Variants in AKIRIN1 observed in about 807,000 individuals in gnomAD.
AKIRIN1 encodes akirin 1.
AKIRIN1 carries 4 observed loss-of-function variants against 25.9 expected under a neutral mutation model. The ratio of observed to expected loss-of-function variants is 0.15; its 90% CI spans 0.08 to 0.35. The LOEUF (loss-of-function observed/expected upper bound fraction) is 0.35, where lower values mean the gene tolerates loss of function less well. Among genes scored for constraint, AKIRIN1 ranks in the 10% least tolerant of loss-of-function variants. The pLI, the probability that AKIRIN1 is intolerant of heterozygous loss-of-function variation, is 1.00. For synonymous variants in AKIRIN1, 125 were observed against 105.1 expected, an observed-to-expected ratio of 1.19 and a Z score of -1.16; for missense variants, 243 against 266.1, an observed-to-expected ratio of 0.91 and a Z score of 0.61.
intron 1 of AKIRIN1, among the ~76,000 whole-genome samples, chr1:38,996,376 A>T (rs1380553919): frequency 1.3e-5 from 2 of 151,068 alleles, no homozygotes; most frequent in Non-Finnish European, 2.9e-5. Context: ...GTGAGCCACC[A>T]TGTACAGGCT....
Position 39,003,332 on chromosome 1 carries a change from A to G in AKIRIN1, c.497-15A>G. On this transcript the variant is annotated splice_polypyrimidine_tract_variant and intron_variant, in intron 3 of 4. Coordinates refer to ENST00000432648, the MANE Select transcript of AKIRIN1 (RefSeq NM_024595.3). ...GGAGAGTTGCTGAGGATAAGTATGT[A>G]CTGTCTTCTCACAGAACAATATGAA... 6.2e-7 allele frequency: 1 copy of G among 1,611,184 alleles called. No individual in the cohort carries two copies. Among genetic ancestry groups the G allele is most frequent in the Non-Finnish European group, 8.5e-7 (1 of 1,177,756 alleles).
Position 38,991,365 on chromosome 1 carries a change from C to T in AKIRIN1, c.-16C>T, listed in dbSNP as rs897290519. The stretch of plus-strand genomic sequence containing the variant: ...TTACCGCCGCGTCCGCTCCCGGTCC[C>T]TGGCCCCTCAGCGGCATGGCGTGCG... On this transcript the variant is annotated 5_prime_UTR_variant, in exon 1 of 5. Transcript: ENST00000432648. 7.5e-7 allele frequency: 1 copy of T among 1,339,684 alleles called. No homozygotes were observed. The highest frequency in any genetic ancestry group is 9.5e-7 in the Non-Finnish European group (1 of 1,048,004). 83.0% of individuals were successfully genotyped at this position (1,339,684 alleles called of 1,614,324 possible).
In AKIRIN1 at chr1:39,003,396, G is replaced by C; in HGVS notation, c.546G>C (p.Arg182=). ...TCACACATGATCAGATTATGCGACG[G>C]TATGGGACAAGGCCAACAAGCTGTA... ...VKFTHDQIMR[R]YGTRPTSYVS Residue 182 remains arginine, a synonymous_variant, in exon 4 of 5, where the codon CGG becomes CGC. Transcript: ENST00000432648. 1 of 1,613,644 alleles carries C rather than the reference G, an allele frequency of 6.2e-7. No individual in the cohort carries two copies. The highest frequency in any genetic ancestry group is 1.1e-5 in the South Asian group (1 of 91,030).
intron 1 of AKIRIN1, among the ~76,000 whole-genome samples, chr1:38,993,828 T>A (rs923819575): frequency 6.6e-6 from 1 of 151,924 alleles, no homozygotes; most frequent in Non-Finnish European, 1.5e-5. Flanking sequence ...CCCAGCACTT[T>A]GGGAGGCGGA....
intron 1 of AKIRIN1, among the ~76,000 whole-genome samples, chr1:38,994,758 C>T (rs1430036379): frequency 2.2e-5 from 3 of 137,904 alleles, no homozygotes; most frequent in East Asian, 4.6e-4. Flanking sequence ...AGCATGATCT[C>T]GGCTCACTGC....
chr1:38,992,951 T>C (rs1315230691), intron 1 of AKIRIN1, among the ~76,000 whole-genome samples: 2 of 152,208 alleles, frequency 1.3e-5, no homozygotes, highest in Non-Finnish European at 2.9e-5. Context: ...CAGGATGAGA[T>C]AATGTTTGCA....
Position 39,005,819 on chromosome 1 carries a change from C to G in AKIRIN1, c.*1764C>G, listed in dbSNP as rs1195863946. On this transcript the variant is annotated 3_prime_UTR_variant, in exon 5 of 5. Coordinates refer to ENST00000432648, the MANE Select transcript of AKIRIN1 (RefSeq NM_024595.3). ...TCTAACCAAAAACTGCAACATTATTCTTTGTACATTTTCATTATATAGTGT... is the reference window on the plus strand; with the variant it reads ...TCTAACCAAAAACTGCAACATTATTGTTTGTACATTTTCATTATATAGTGT... The G allele has an allele frequency of 6.6e-6, 1 of 152,106 alleles. No homozygotes were observed. The highest frequency in any genetic ancestry group is 1.5e-5 in the Non-Finnish European group (1 of 68,018). The allele number at this position is 152,106 out of a possible 1,614,324, so 9.4% of individuals were successfully genotyped here.
In AKIRIN1 at chr1:38,991,390, G is replaced by C; in HGVS notation, c.10G>C (p.Gly4Arg). The change falls in exon 1 of 5, where the codon GGG (glycine) becomes CGG (arginine). Residue 4 changes from glycine to arginine, a missense_variant. Physicochemically the swap from Gly to Arg is moderately radical, Grantham distance 125 (BLOSUM62 -2). Around this residue, in one of 3 missense-constraint regions of AKIRIN1, gnomAD observed 28 missense variants for 46.4 expected, o/e 0.60. Transcript: ENST00000432648. The stretch of plus-strand genomic sequence containing the variant: ...CTGGCCCCTCAGCGGCATGGCGTGC[G>C]GGGCGACGCTGAAGCGGCCCATGGA... MAC[G>R]ATLKRPMEFE... 1 of 1,337,688 alleles carries C rather than the reference G, an allele frequency of 7.5e-7. No homozygotes were observed. The highest frequency in any genetic ancestry group is 1.8e-5 in the South Asian group (1 of 54,086). 82.9% of individuals were successfully genotyped at this position (1,337,688 alleles called of 1,614,324 possible).
At chr1:38,996,313 G>T (rs921636670) in intron 1 of AKIRIN1, among the ~76,000 whole-genome samples, 2 of 151,858 alleles carry the variant, frequency 1.3e-5, no homozygotes, top group Non-Finnish European at 2.9e-5. Context: ...GGCTGGTCTC[G>T]AACCTCAGGT....
Position 39,000,468 on chromosome 1 carries a change from C to T in AKIRIN1, c.362-504C>T, listed in dbSNP as rs561255995. On this transcript the variant is annotated intron_variant, in intron 2 of 4. Transcript: ENST00000432648. ...GTTCAAGCGATTCTCCTTTCTCAGC[C>T]TCCCAAGTAGCTGGAATTACAGGTG... Among the ~76,000 whole-genome samples, 7 of 151,314 alleles carry T rather than the reference C, an allele frequency of 4.6e-5. No individual in the cohort carries two copies. The East Asian group carries it at 1.4e-3, about 29-fold the overall frequency.
chr1:38,995,804 G>A (rs1236508861), intron 1 of AKIRIN1, among the ~76,000 whole-genome samples: 1 of 152,184 alleles, frequency 6.6e-6, no homozygotes, highest in African/African-American at 2.4e-5. Flanking sequence ...AGGCCGAGGC[G>A]GGCGGATCAG....
chr1:38,998,048 C>A lies in AKIRIN1; in HGVS notation c.221-123C>A, dbSNP rs569203353. On this transcript the variant is annotated intron_variant, in intron 1 of 4. Coordinates refer to ENST00000432648, the MANE Select transcript of AKIRIN1 (RefSeq NM_024595.3). ...ATGTCGGGGGAGGGGGAGATTGAGA[C>A]CTACATGCCAAAGGGAGTATCTAAA... 6.9e-4 allele frequency: 738 copies of A among 1,073,824 alleles called. 5 individuals carry two copies. The South Asian group carries it at 8.3e-3, about 12-fold the overall frequency. The allele number at this position is 1,073,824 out of a possible 1,614,324, so 66.5% of individuals were successfully genotyped here.
At chr1:38,996,513 T>G (rs181358477) in intron 1 of AKIRIN1, among the ~76,000 whole-genome samples, 36 of 149,658 alleles carry the variant, frequency 2.4e-4, no homozygotes, top group African/African-American at 8.6e-4. Context: ...CATAGCACTC[T>G]TGTTTTTTTG....
intron 3 of AKIRIN1, 65 bp from the exon 4 acceptor site, chr1:39,003,282 T>C: frequency 6.7e-7 from 1 of 1,491,314 alleles, no homozygotes; most frequent in Non-Finnish European, 9.3e-7. Flanking sequence ...TTTGTGATCC[T>C]GACGCTTGAT....
At chr1:38,998,430 T>C in intron 2 of AKIRIN1, 119 bp downstream of exon 2, 2 of 1,142,548 alleles carry the variant, frequency 1.8e-6, no homozygotes, top group South Asian at 2.0e-5. Flanking sequence ...TGTATTAATA[T>C]TTACAGATAT....
chr1:38,999,485 C>T (rs970972892), intron 2 of AKIRIN1, among the ~76,000 whole-genome samples: 9 of 152,094 alleles, frequency 5.9e-5, no homozygotes, highest in Non-Finnish European at 1.2e-4. Context: ...TGACTTTTAC[C>T]TCAACAAATT....
intron 1 of AKIRIN1, among the ~76,000 whole-genome samples, chr1:38,993,337 G>A (rs962124610): frequency 6.6e-6 from 1 of 151,392 alleles, no homozygotes; most frequent in Non-Finnish European, 1.5e-5. Flanking sequence ...TCAAGAGACC[G>A]AGACCATCCT....
Position 38,991,335 on chromosome 1 carries a change from C to T in AKIRIN1, c.-46C>T, listed in dbSNP as rs1398278064. 10 of 1,324,006 alleles carry T rather than the reference C, an allele frequency of 7.6e-6. No homozygotes were observed. The highest frequency in any genetic ancestry group is 7.9e-5 in the Admixed American group (2 of 25,316). 82.0% of individuals were successfully genotyped at this position (1,324,006 alleles called of 1,614,324 possible). On this transcript the variant is annotated 5_prime_UTR_variant, in exon 1 of 5. Coordinates refer to ENST00000432648, the MANE Select transcript of AKIRIN1 (RefSeq NM_024595.3). ...AGCCCGGCTGAGGAGCCTCTTGGGC[C>T]GCACTTACCGCCGCGTCCGCTCCCG... is the stretch of plus-strand genomic sequence containing the variant.
At chr1:39,000,856 AC>A in intron 2 of AKIRIN1, 115 bp from the exon 3 acceptor site, 1 of 1,176,512 alleles carries the variant, frequency 8.5e-7, no homozygotes, top group Non-Finnish European at 1.2e-6. Flanking sequence ...GGGTTTCTCC[AC>A]GTTGTCAGGC....
Sources: allele counts gnomAD v4.1 joint callset (sites outside exome capture counted in the v4.1 genomes callset), GRCh38; gene constraint gnomAD v4.1.1; regional missense constraint gnomAD v4.1.1; transcripts MANE v1.5; gene names NCBI Gene and HGNC (gene_info 2026-07-23, HGNC 2026-07-21).